Variants in DIP2C observed in about 807,000 individuals in gnomAD.
The protein encoded by DIP2C is disco-interacting protein 2 homolog C.
In DIP2C, 33 loss-of-function variants were observed where a neutral mutation model predicts 192.4. The observed-to-expected ratio is 0.17, with a 90% CI of 0.13 to 0.23. The LOEUF (loss-of-function observed/expected upper bound fraction) is 0.23, where lower values mean the gene tolerates loss of function less well. Ranked by LOEUF, DIP2C falls within the 10% of genes least tolerant of loss-of-function variation. DIP2C has a pLI of 1.00. For synonymous variants in DIP2C, 979 were observed against 864.1 expected (o/e 1.13, Z -2.33); for missense variants, 1,537 against 2,110.1 (o/e 0.73, Z 5.32).
intron 1 of DIP2C, among the ~76,000 whole-genome samples, chr10:584,967 A>C (rs1355083190): frequency 2.3e-4 from 14 of 62,068 alleles, no homozygotes; most frequent in East Asian, 4.6e-4. Context: ...CCGCGACCTG[A>C]CCCCCACTCA....
At chr10:654,710 T>C (rs1019485047) in intron 1 of DIP2C, among the ~76,000 whole-genome samples, 18 of 152,168 alleles carry the variant, frequency 1.2e-4, no homozygotes, top group East Asian at 1.9e-4. Context: ...CTCATTTTCA[T>C]AGAACTAAAG....
At chr10:433,404 C>T (rs905659561) in intron 4 of DIP2C, among the ~76,000 whole-genome samples, 1 of 152,128 alleles carries the variant, frequency 6.6e-6, no homozygotes, top group African/African-American at 2.4e-5. Context: ...GTTGGCTGGG[C>T]AGTGGCTCAT....
rs530156189 is a variant in DIP2C at position 339,062 on chromosome 10, C to A, written c.3584+2137G>T. Among the ~76,000 whole-genome samples, 3 of 152,210 alleles carry A rather than the reference C, an allele frequency of 2.0e-5. No homozygotes were observed. The South Asian group carries it at 6.2e-4, about 32-fold the overall frequency. ...TGCCCCCACCAAGACACACTCCCCACCCTGCTACACTCTTAGGAGCACAGC... is the reference window on the plus strand; with the variant it reads ...TGCCCCCACCAAGACACACTCCCCAACCTGCTACACTCTTAGGAGCACAGC... On this transcript the variant is annotated intron_variant, in intron 29 of 36. Coordinates refer to ENST00000280886, the MANE Select transcript of DIP2C (RefSeq NM_014974.3).
intron 2 of DIP2C, among the ~76,000 whole-genome samples, chr10:486,175 A>G (rs900704256): frequency 1.3e-5 from 2 of 152,224 alleles, no homozygotes; most frequent in Non-Finnish European, 2.9e-5. Flanking sequence ...TCACTAATGC[A>G]CTCATATTTT....
Position 356,411 on chromosome 10 carries a change from A to G in DIP2C, c.2985+15T>C, listed in dbSNP as rs1245924277. ...TTGAGGCCAGTAGCCAGGGAAGGCC[A>G]GCTCCGCGCCTCACCCGACAGTTGA... On this transcript the variant is annotated intron_variant, in intron 24 of 36. Transcript: ENST00000280886. 1 of 1,610,172 alleles carries G rather than the reference A, an allele frequency of 6.2e-7. No homozygotes were observed. Among genetic ancestry groups the G allele is most frequent in the Non-Finnish European group, 8.5e-7 (1 of 1,179,970 alleles).
At chr10:358,541 C>A (rs1959176305) in intron 22 of DIP2C, among the ~76,000 whole-genome samples, 1 of 114,806 alleles carries the variant, frequency 8.7e-6, no homozygotes, top group Non-Finnish European at 1.7e-5. Context: ...GTCATAAAGT[C>A]ATCGCTTATC....
intron 2 of DIP2C, chr10:485,031 C>T: frequency 6.8e-7 from 1 of 1,467,990 alleles, no homozygotes; most frequent in Non-Finnish European, 9.1e-7. Flanking sequence ...AGCTGCCGAC[C>T]CCATGCAGGA....
chr10:572,745 T>C (rs17221323), intron 1 of DIP2C, among the ~76,000 whole-genome samples: 19,307 of 152,016 alleles, frequency 0.13, 1,630 homozygotes, highest in Middle Eastern at 0.19. Flanking sequence ...CAGATGCGGG[T>C]TTTCCTCCAA....
At chr10:598,306 G>C (rs573853138) in intron 1 of DIP2C, among the ~76,000 whole-genome samples, 1 of 151,954 alleles carries the variant, frequency 6.6e-6, no homozygotes, top group South Asian at 2.1e-4. Flanking sequence ...TTCCCACCCC[G>C]AGGGCAGCTG....
At chr10:626,632 C>G (rs116585169) in intron 1 of DIP2C, among the ~76,000 whole-genome samples, 2 of 152,114 alleles carry the variant, frequency 1.3e-5, no homozygotes, top group African/African-American at 4.8e-5. Context: ...AGAGGCATTC[C>G]GGCCTATTCA....
At chr10:285,145 T>C (rs1428033505) in intron 34 of DIP2C, among the ~76,000 whole-genome samples, 1 of 96,896 alleles carries the variant, frequency 1.0e-5, no homozygotes, top group East Asian at 2.9e-4. Flanking sequence ...AGAGGTCAAG[T>C]GAGGGGCCAA....
At chr10:336,282 G>C (rs1238084742) in intron 29 of DIP2C, among the ~76,000 whole-genome samples, 2 of 152,154 alleles carry the variant, frequency 1.3e-5, no homozygotes, top group Non-Finnish European at 2.9e-5. Flanking sequence ...GTGTACAATG[G>C]TGGTCTCATG....
At chr10:593,884 T>C (rs910136344) in intron 1 of DIP2C, among the ~76,000 whole-genome samples, 1 of 152,194 alleles carries the variant, frequency 6.6e-6, no homozygotes, top group Admixed American at 6.5e-5. Flanking sequence ...GAATGTCTTC[T>C]GAAAGCAGCA....
intron 1 of DIP2C, among the ~76,000 whole-genome samples, chr10:552,226 C>T (rs1460470742): frequency 6.6e-6 from 1 of 152,214 alleles, no homozygotes; most frequent in East Asian, 1.9e-4. Flanking sequence ...AAAAGGAAAG[C>T]ATCGTGAAGT....
intron 1 of DIP2C, among the ~76,000 whole-genome samples, chr10:643,243 G>A (rs1164077737): frequency 2.1e-5 from 3 of 146,224 alleles, no homozygotes; most frequent in African/African-American, 5.2e-5. Flanking sequence ...GGCCGGGCAC[G>A]GTGGCTCAGG....
At chr10:575,692 C>T (rs1850106432) in intron 1 of DIP2C, among the ~76,000 whole-genome samples, 2 of 152,168 alleles carry the variant, frequency 1.3e-5, no homozygotes, top group African/African-American at 4.8e-5. Flanking sequence ...AGAACTGTTC[C>T]TGGAGGAGAA....
At chr10:479,972 T>C (rs1048123436) in intron 2 of DIP2C, among the ~76,000 whole-genome samples, 15 of 143,894 alleles carry the variant, frequency 1.0e-4, no homozygotes, top group African/African-American at 3.9e-4. Flanking sequence ...CCATGCTCAC[T>C]GGATGAGTCT....
At chr10:551,570 C>G (rs979568187) in intron 1 of DIP2C, among the ~76,000 whole-genome samples, 3 of 152,240 alleles carry the variant, frequency 2.0e-5, no homozygotes, top group Admixed American at 6.5e-5. Flanking sequence ...TCCTGCCAGG[C>G]TGGCTGTGTC....
At chr10:568,611 C>CA (rs1185902114) in intron 1 of DIP2C, among the ~76,000 whole-genome samples, 1 of 151,388 alleles carries the variant, frequency 6.6e-6, no homozygotes, top group Non-Finnish European at 1.5e-5. Context: ...ACTAAAAATA[C>CA]AAAAATTAGC....
Sources: gnomAD v4.1 joint callset for allele counts (sites outside exome capture counted in the v4.1 genomes callset) on GRCh38, gnomAD v4.1.1 for gene constraint, MANE v1.5 for transcripts, NCBI Gene and HGNC (gene_info 2026-07-23, HGNC 2026-07-21) for gene names.